CLSTN1: variants seen among roughly 807,000 people sequenced by gnomAD.
CLSTN1 encodes calsyntenin-1.
In CLSTN1, 28 loss-of-function variants were observed where a neutral mutation model predicts 108.3. That is an observed-to-expected ratio of 0.26 (90% CI 0.19 to 0.35). The LOEUF (loss-of-function observed/expected upper bound fraction) is 0.35, where lower values mean the gene tolerates loss of function less well. CLSTN1 is among the 10% of genes least tolerant of loss of function. CLSTN1 has a pLI of 1.00. For synonymous variants in CLSTN1, 524 were observed against 534.9 expected (o/e 0.98, Z 0.28); for missense variants, 1,157 against 1,302.6 (o/e 0.89, Z 1.72).
intron 16 of CLSTN1, among the ~76,000 whole-genome samples, chr1:9,733,165 C>T (rs2101074657): frequency 6.6e-6 from 1 of 152,286 alleles, no homozygotes; most frequent in Middle Eastern, 3.4e-3. Flanking sequence ...GCTGAGGCAG[C>T]CAGGGAAAGG....
intron 3 of CLSTN1, among the ~76,000 whole-genome samples, chr1:9,755,938 C>T (rs974780975): frequency 3.9e-5 from 6 of 152,188 alleles, no homozygotes; most frequent in Admixed American, 3.9e-4. Flanking sequence ...TTATCATCTA[C>T]GATTCAGACA....
At position 9,731,816 on chromosome 1, in the gene CLSTN1, G is replaced by A. The variant is rs1650413065; in HGVS notation, c.2508C>T (p.His836=). Residue 836 remains histidine, a synonymous_variant, in exon 17 of 19, where the codon CAC becomes CAT. Transcript: ENST00000377298. ...GGCCTGACAGGTCAACAAAGGAGCG[G>A]TGTTCCGGGTGCACGAACTGTGGCT... is the stretch of plus-strand genomic sequence containing the variant. ...AAQPQFVHPE[H]RSFVDLSGHN... The A allele has an allele frequency of 6.2e-7, 1 of 1,614,210 alleles. No homozygotes were observed. The highest frequency in any genetic ancestry group is 8.5e-7 in the Non-Finnish European group (1 of 1,180,042).
chr1:9,821,423 G>A (rs1165026843), intron 1 of CLSTN1, among the ~76,000 whole-genome samples: 1 of 152,188 alleles, frequency 6.6e-6, no homozygotes, highest in African/African-American at 2.4e-5. Flanking sequence ...GCAAGCCACT[G>A]CACCCAGCTC....
intron 1 of CLSTN1, among the ~76,000 whole-genome samples, chr1:9,815,066 T>G (rs1654917606): frequency 6.6e-6 from 1 of 152,240 alleles, no homozygotes; most frequent in African/African-American, 2.4e-5. Context: ...TGTAGCCCTG[T>G]GCTAGGCTCA....
intron 1 of CLSTN1, among the ~76,000 whole-genome samples, chr1:9,811,981 C>G (rs1275029905): frequency 6.6e-6 from 1 of 151,926 alleles, no homozygotes; most frequent in Non-Finnish European, 1.5e-5. Flanking sequence ...ACTAAAAATA[C>G]AAAAAATTAG....
At chr1:9,790,561 C>T (rs138603555) in intron 1 of CLSTN1, among the ~76,000 whole-genome samples, 6 of 151,412 alleles carry the variant, frequency 4.0e-5, no homozygotes, top group Admixed American at 6.7e-5. Flanking sequence ...TTGTTGAGAT[C>T]GCCATTAAAA....
intron 1 of CLSTN1, among the ~76,000 whole-genome samples, chr1:9,816,937 G>A (rs994137664): frequency 1.3e-5 from 2 of 152,232 alleles, no homozygotes; most frequent in East Asian, 1.9e-4. Flanking sequence ...GTGAGCCACC[G>A]CACCCAGCCG....
chr1:9,787,007 G>T (rs915370431), intron 1 of CLSTN1, among the ~76,000 whole-genome samples: 1 of 151,452 alleles, frequency 6.6e-6, no homozygotes. Flanking sequence ...GATGCCAGGA[G>T]AGTCCCAAGA....
chr1:9,749,953 T>C (rs533093209), intron 5 of CLSTN1, 40 bp from the exon 6 acceptor site: 3 of 1,583,670 alleles, frequency 1.9e-6, no homozygotes, highest in East Asian at 2.2e-5. Context: ...CCAAAACCCA[T>C]GCTGGTTTTA....
intron 1 of CLSTN1, among the ~76,000 whole-genome samples, chr1:9,818,003 C>CT (rs35244076): frequency 2.6e-4 from 23 of 89,034 alleles, no homozygotes; most frequent in South Asian, 4.1e-4. Flanking sequence ...GTTAGTTTGG[C>CT]TTTTTTTTTT....
intron 1 of CLSTN1, among the ~76,000 whole-genome samples, chr1:9,782,689 A>C (rs1296753661): frequency 6.6e-6 from 1 of 152,214 alleles, no homozygotes; most frequent in Non-Finnish European, 1.5e-5. Flanking sequence ...GCCCCAGCAC[A>C]ACCCAACTCT....
At chr1:9,732,697 C>T (rs556870756) in intron 16 of CLSTN1, among the ~76,000 whole-genome samples, 29 of 152,346 alleles carry the variant, frequency 1.9e-4, no homozygotes, top group Admixed American at 1.6e-3. Flanking sequence ...TAGACGACCT[C>T]AGAGCAGGAG....
chr1:9,763,659 C>T (rs971387474), intron 2 of CLSTN1, among the ~76,000 whole-genome samples: 1 of 152,186 alleles, frequency 6.6e-6, no homozygotes, highest in Admixed American at 6.5e-5. Context: ...CCAGACATAG[C>T]ATTGGAAAAC....
intron 1 of CLSTN1, among the ~76,000 whole-genome samples, chr1:9,801,773 C>T (rs1345157864): frequency 1.3e-5 from 2 of 152,168 alleles, no homozygotes; most frequent in East Asian, 3.9e-4. Flanking sequence ...TCAGGCTGAT[C>T]TCGAACTCCG....
intron 1 of CLSTN1, among the ~76,000 whole-genome samples, chr1:9,793,432 C>T (rs1653855670): frequency 6.6e-6 from 1 of 151,512 alleles, no homozygotes; most frequent in South Asian, 2.2e-4. Context: ...TTCTAGACAA[C>T]CCTGTTAAAC....
At chr1:9,810,020 C>T (rs1654664120) in intron 1 of CLSTN1, among the ~76,000 whole-genome samples, 1 of 125,140 alleles carries the variant, frequency 8.0e-6, no homozygotes, top group Non-Finnish European at 1.7e-5. Flanking sequence ...GCCTGGGCAA[C>T]AGAGGGAGAC....
chr1:9,781,881 C>T (rs1653268348), intron 1 of CLSTN1, among the ~76,000 whole-genome samples: 3 of 152,236 alleles, frequency 2.0e-5, no homozygotes, highest in African/African-American at 7.2e-5. Flanking sequence ...TAGTGGAACC[C>T]ATCAGTAGTA....
chr1:9,763,057 G>A (rs111821010), intron 2 of CLSTN1, among the ~76,000 whole-genome samples: 43 of 152,080 alleles, frequency 2.8e-4, no homozygotes, highest in African/African-American at 7.7e-4. Context: ...CACCTCCTGC[G>A]TTCAAGTGAT....
intron 7 of CLSTN1, among the ~76,000 whole-genome samples, chr1:9,747,687 G>A (rs959779831): frequency 6.6e-6 from 1 of 151,672 alleles, no homozygotes; most frequent in African/African-American, 2.4e-5. Context: ...GTAGAGCGGG[G>A]GTTTCATCAT....
Sources: allele counts gnomAD v4.1 joint callset (sites outside exome capture counted in the v4.1 genomes callset), GRCh38; gene constraint gnomAD v4.1.1; transcripts MANE v1.5; gene names NCBI Gene and HGNC (gene_info 2026-07-23, HGNC 2026-07-21).